Variants in PRR16 observed in about 807,000 individuals in gnomAD.
PRR16 encodes the protein proline rich 16.
A neutral mutation model predicts 18.2 loss-of-function variants in PRR16; 6 were observed. The observed-to-expected ratio is 0.33, with a 90% confidence interval of 0.18 to 0.65. PRR16 has a LOEUF of 0.65. PRR16 is among the 30% of genes least tolerant of loss of function. The pLI, the probability that PRR16 is intolerant of heterozygous loss-of-function variation, is 0.74. For missense variants in PRR16, 412 were observed against 376.6 expected (o/e 1.09, Z -0.78); for synonymous variants, 151 against 147.8 (o/e 1.02, Z -0.16).
chr5:120,788,600 T>C, the PRR16 span, among the ~76,000 whole-genome samples: 3 of 152,098 alleles, frequency 2.0e-5, no homozygotes, highest in Admixed American at 1.3e-4. Flanking sequence ...ATGGCACCAA[T>C]AGAGGCAAGC....
the PRR16 span, among the ~76,000 whole-genome samples, chr5:120,782,388 C>T: frequency 6.6e-6 from 1 of 152,156 alleles, no homozygotes; most frequent in African/African-American, 2.4e-5. Context: ...TCTACAGTCA[C>T]CATCTTGATG....
intron 1 of PRR16, among the ~76,000 whole-genome samples, chr5:120,583,312 A>C (rs1753333703): frequency 1.0e-5 from 1 of 98,630 alleles, no homozygotes; most frequent in African/African-American, 4.4e-5. Context: ...AATACAAAAT[A>C]ATGTGTGTGT....
At chr5:120,747,122 A>G in the PRR16 span, among the ~76,000 whole-genome samples, 1 of 152,170 alleles carries the variant, frequency 6.6e-6, no homozygotes, top group Non-Finnish European at 1.5e-5. Flanking sequence ...CTGTGAAGAA[A>G]AAGCATTCAA....
At chr5:120,571,034 AC>A (rs1246024531) in intron 1 of PRR16, among the ~76,000 whole-genome samples, 5 of 152,274 alleles carry the variant, frequency 3.3e-5, no homozygotes, top group African/African-American at 1.2e-4. Context: ...TATTTTATAT[AC>A]AGTGGTCATT....
chr5:120,574,046 C>T (rs973771184), intron 1 of PRR16, among the ~76,000 whole-genome samples: 1 of 151,482 alleles, frequency 6.6e-6, no homozygotes, highest in Non-Finnish European at 1.5e-5. Context: ...AATACAATTT[C>T]AAAAAAATAC....
At chr5:120,576,915 T>C (rs1049401090) in intron 1 of PRR16, among the ~76,000 whole-genome samples, 1 of 151,916 alleles carries the variant, frequency 6.6e-6, no homozygotes, top group Non-Finnish European at 1.5e-5. Flanking sequence ...TCTACGTGCT[T>C]TCTCTCTCTC....
intron 1 of PRR16, among the ~76,000 whole-genome samples, chr5:120,591,561 TAG>T: frequency 6.6e-6 from 1 of 151,896 alleles, no homozygotes; most frequent in Non-Finnish European, 1.5e-5. Context: ...AAATACAAAA[TAG>T]ATTTTATTAA....
intron 1 of PRR16, among the ~76,000 whole-genome samples, chr5:120,557,798 G>A (rs901853313): frequency 2.0e-5 from 3 of 151,770 alleles, no homozygotes; most frequent in Admixed American, 2.0e-4. Flanking sequence ...AAATTATTTA[G>A]CATCTCTTGA....
intron 1 of PRR16, among the ~76,000 whole-genome samples, chr5:120,625,694 G>A (rs1754839951): frequency 6.6e-6 from 1 of 151,904 alleles, no homozygotes; most frequent in Non-Finnish European, 1.5e-5. Flanking sequence ...GTGCCTGGTA[G>A]TATACCATGT....
At chr5:120,612,639 A>G (rs1010838868) in intron 1 of PRR16, among the ~76,000 whole-genome samples, 3 of 152,152 alleles carry the variant, frequency 2.0e-5, no homozygotes, top group African/African-American at 7.2e-5. Context: ...AGGCCTCCCC[A>G]GCCATGTAGA....
chr5:120,738,701 T>C, the PRR16 span, among the ~76,000 whole-genome samples: 11 of 152,278 alleles, frequency 7.2e-5, no homozygotes, highest in East Asian at 2.1e-3. Flanking sequence ...CCTATTATCT[T>C]GGTAGGTGCA....
the PRR16 span, among the ~76,000 whole-genome samples, chr5:120,794,109 C>T: frequency 2.0e-5 from 3 of 152,074 alleles, no homozygotes; most frequent in African/African-American, 7.2e-5. Context: ...ACCACCAAGT[C>T]CACTATAATC....
chr5:120,754,157 T>TATAATATATAAA, the PRR16 span, among the ~76,000 whole-genome samples: 135 of 28,118 alleles, frequency 4.8e-3, 3 homozygotes, highest in African/African-American at 0.021. Context: ...TATATAAATA[T>TATAATATATAAA]GATATATAAA....
At chr5:120,650,627 C>G (rs910958021) in intron 1 of PRR16, among the ~76,000 whole-genome samples, 7 of 152,010 alleles carry the variant, frequency 4.6e-5, no homozygotes, top group African/African-American at 1.7e-4. Flanking sequence ...TGATTTCCAG[C>G]TTCATCCATG....
chr5:120,584,805 A>G (rs1489499851), intron 1 of PRR16, among the ~76,000 whole-genome samples: 1 of 152,176 alleles, frequency 6.6e-6, no homozygotes, highest in African/African-American at 2.4e-5. Context: ...AGAGTCTTCT[A>G]TGTAGAAGGG....
At chr5:120,783,113 A>G in the PRR16 span, among the ~76,000 whole-genome samples, 1 of 152,218 alleles carries the variant, frequency 6.6e-6, no homozygotes, top group African/African-American at 2.4e-5. Flanking sequence ...TCACAATTGC[A>G]TTTTAGAAAA....
chr5:120,625,269 T>C (rs986852474), intron 1 of PRR16, among the ~76,000 whole-genome samples: 7 of 152,268 alleles, frequency 4.6e-5, no homozygotes, highest in African/African-American at 1.7e-4. Context: ...AAGTGGTTAT[T>C]AGAGAGTTTC....
At chr5:120,767,586 C>T in the PRR16 span, among the ~76,000 whole-genome samples, 5 of 151,914 alleles carry the variant, frequency 3.3e-5, no homozygotes, top group South Asian at 4.2e-4. Context: ...TCAGTAATCT[C>T]ACCTCCCTGA....
downstream of PRR16, among the ~76,000 whole-genome samples, chr5:120,687,873 A>G (rs183080484): frequency 1.0e-3 from 154 of 152,280 alleles, 1 homozygote; most frequent in African/African-American, 3.5e-3. Context: ...CCATGGTCCA[A>G]ATTTAACTTC....
Sources: allele counts gnomAD v4.1 joint callset (sites outside exome capture counted in the v4.1 genomes callset), GRCh38; gene constraint gnomAD v4.1.1; transcripts MANE v1.5; gene names NCBI Gene and HGNC (gene_info 2026-07-23, HGNC 2026-07-21).